The following EFCAB8 variants were observed in gnomAD, a reference collection of about 807,000 sequenced individuals.
EFCAB8 encodes the protein EF-hand calcium-binding domain-containing protein 8.
A neutral mutation model predicts 116.3 loss-of-function variants in EFCAB8; 100 were observed. The ratio of observed to expected loss-of-function variants is 0.86; its 90% CI spans 0.73 to 1.02. The LOEUF is 1.02. Among genes scored for constraint, EFCAB8 ranks in the 50% least tolerant of loss-of-function variants. The pLI is 0.00. For missense variants in EFCAB8, 1,320 were observed against 1,416.9 expected (o/e 0.93, Z 1.10); for synonymous variants, 558 against 567.9 (o/e 0.98, Z 0.25).
At chr20:32,877,004 A>C (rs916169985) in intron 4 of EFCAB8, among the ~76,000 whole-genome samples, 10 of 151,856 alleles carry the variant, frequency 6.6e-5, no homozygotes, top group Non-Finnish European at 1.5e-4. Context: ...ACTTACCTCC[A>C]TTTGACAGAT....
In EFCAB8 at chr20:32,892,238, A is replaced by G. The variant is rs1568913302; in HGVS notation, c.699A>G (p.Lys233=). The change falls in exon 8 of 27, where the codon AAA becomes AAG. Residue 233 remains lysine, a synonymous_variant. Transcript: ENST00000400522. Reference sequence around the variant, plus strand: ...ATTTCTTTGATATTAGTGACCACAAATGTGTCCGGGCCTTCACCTTTGTTG... The same window carrying G: ...ATTTCTTTGATATTAGTGACCACAAGTGTGTCCGGGCCTTCACCTTTGTTG... The part of the protein sequence containing the change: ...KIDFFDISDH[K]CVRAFTFVDL... 1.3e-6 allele frequency: 2 copies of G among 1,551,616 alleles called. No individual in the cohort carries two copies. Among genetic ancestry groups the G allele is most frequent in the Admixed American group, 2.0e-5 (1 of 50,998 alleles).
intron 9 of EFCAB8, 122 bp from the exon 10 acceptor site, chr20:32,896,332 G>A (rs553688563): frequency 1.4e-4 from 91 of 643,930 alleles, no homozygotes; most frequent in African/African-American, 1.3e-3. Flanking sequence ...TGAGGGTTTG[G>A]GTGGAAAAGC....
intron 11 of EFCAB8, among the ~76,000 whole-genome samples, chr20:32,901,033 G>A (rs573824961): frequency 7.2e-5 from 11 of 152,342 alleles, no homozygotes; most frequent in Admixed American, 2.0e-4. Flanking sequence ...ACAGTGCACT[G>A]TGTACATTTC....
intron 5 of EFCAB8, among the ~76,000 whole-genome samples, chr20:32,880,179 G>A (rs1184397638): frequency 6.6e-6 from 1 of 152,154 alleles, no homozygotes. Context: ...ACCAGGCCAC[G>A]GGGAAGTCAA....
At chr20:32,948,570 A>AAGAAAGAGAG (rs1555871353) in intron 23 of EFCAB8, among the ~76,000 whole-genome samples, 1 of 149,668 alleles carries the variant, frequency 6.7e-6, no homozygotes, top group African/African-American at 2.5e-5. Context: ...GAAAGAAAGA[A>AAGAAAGAGAG]AGAAAGAAAG....
chr20:32,859,386 T>C (rs556017246), intron 1 of EFCAB8, among the ~76,000 whole-genome samples: 8 of 152,290 alleles, frequency 5.3e-5, no homozygotes, highest in African/African-American at 1.9e-4. Context: ...CATCTCAGCC[T>C]TCCCTTCCTT....
chr20:32,952,620 T>C (rs891725525), intron 23 of EFCAB8, among the ~76,000 whole-genome samples: 1 of 152,356 alleles, frequency 6.6e-6, no homozygotes, highest in South Asian at 2.1e-4. Context: ...ATTTGGTTGC[T>C]TGTCTTTGTA....
chr20:32,912,887 G>A (rs1274575695), intron 17 of EFCAB8, 23 bp downstream of exon 17: 1 of 717,024 alleles, frequency 1.4e-6, no homozygotes, highest in Admixed American at 2.0e-5. Context: ...CATGTATGGT[G>A]AGTAGGTTCC....
At chr20:32,928,033 CTT>C (rs1379964644) in intron 20 of EFCAB8, among the ~76,000 whole-genome samples, 3 of 152,078 alleles carry the variant, frequency 2.0e-5, no homozygotes, top group Non-Finnish European at 4.4e-5. Flanking sequence ...TACTTTCTGT[CTT>C]TATGATTTTG....
At position 32,961,729 on chromosome 20, in the gene EFCAB8, C is replaced by G; in HGVS notation, c.*120C>G. 3.8e-6 allele frequency: 2 copies of G among 526,640 alleles called. No individual in the cohort carries two copies. The highest frequency in any genetic ancestry group is 5.9e-6 in the Non-Finnish European group (2 of 336,760). The allele number at this position is 526,640 out of a possible 1,614,324, so 32.6% of individuals were successfully genotyped here. A position where few individuals can be genotyped will look rare whatever the true frequency, so the allele number is the denominator to read the frequency against. On this transcript the variant is annotated 3_prime_UTR_variant, in exon 27 of 27. Coordinates refer to ENST00000400522, the MANE Select transcript of EFCAB8 (RefSeq NM_001143967.2). ...TGTGGCTCTTCCCCCGGCCACCCCA[C>G]TGGGCCTCTCTGGGGAAGTTCACCT...
intron 12 of EFCAB8, 59 bp from the exon 13 acceptor site, chr20:32,906,784 C>T (rs2146236878): frequency 1.2e-6 from 1 of 857,756 alleles, no homozygotes; most frequent in Non-Finnish European, 1.9e-6. Context: ...CCACCTTCAC[C>T]AGTGGGTGAA....
chr20:32,906,616 C>T lies in EFCAB8; in HGVS notation c.1143C>T (p.Asp381=), dbSNP rs1425704125. Residue 381 remains aspartate (D), a synonymous_variant, in exon 12 of 27, where the codon GAC becomes GAT. Transcript: ENST00000400522. Reference sequence around the variant, plus strand: ...TTCTTTGCTTTGATTACTGCCCAGACAGGAACTTCCTGGGTAAGTCACCTT... The same window carrying T: ...TTCTTTGCTTTGATTACTGCCCAGATAGGAACTTCCTGGGTAAGTCACCTT... ...KGILCFDYCP[D]RNFLVTGGYD... The T allele has an allele frequency of 1.4e-6, 1 of 718,440 alleles. No individual in the cohort carries two copies. The highest frequency in any genetic ancestry group is 2.0e-5 in the Admixed American group (1 of 50,024). The allele number at this position is 718,440 out of a possible 1,614,324, so 44.5% of individuals were successfully genotyped here. A position where few individuals can be genotyped will look rare whatever the true frequency, so the allele number is the denominator to read the frequency against.
Position 32,862,880 on chromosome 20 carries a change from G to A in EFCAB8, c.-10-903G>A, listed in dbSNP as rs528112437. Among the ~76,000 whole-genome samples, 17 of 152,192 alleles carry A rather than the reference G, an allele frequency of 1.1e-4. No individual in the cohort carries two copies. The South Asian group carries it at 2.3e-3, about 20-fold the overall frequency. On this transcript the variant is annotated intron_variant, in intron 1 of 26. Coordinates refer to ENST00000400522, the MANE Select transcript of EFCAB8 (RefSeq NM_001143967.2). ...ACTGTTGACCTCAGGCAATCCTTCC[G>A]CCTTGGCCTCCCAAAGTGCTGGGAT...
intron 18 of EFCAB8, among the ~76,000 whole-genome samples, 184 bp from the exon 19 acceptor site, chr20:32,918,178 G>GCAT (rs1195418017): frequency 6.6e-6 from 1 of 152,252 alleles, no homozygotes; most frequent in African/African-American, 2.4e-5. Flanking sequence ...GGTACTCAGG[G>GCAT]CATTGCAGCT....
At chr20:32,866,415 C>G (rs1984403264) in intron 2 of EFCAB8, among the ~76,000 whole-genome samples, 1 of 152,090 alleles carries the variant, frequency 6.6e-6, no homozygotes, top group African/African-American at 2.4e-5. Flanking sequence ...GGGAAGGCAG[C>G]CTTTGATGGC....
chr20:32,941,959 A>G (rs1988423131), intron 22 of EFCAB8, among the ~76,000 whole-genome samples: 1 of 152,202 alleles, frequency 6.6e-6, no homozygotes, highest in Non-Finnish European at 1.5e-5. Flanking sequence ...GTTTATTTGT[A>G]CATCTAGTAA....
At chr20:32,898,052 A>G (rs11697249) in intron 10 of EFCAB8, among the ~76,000 whole-genome samples, 5,064 of 152,214 alleles carry the variant, frequency 0.033, 126 homozygotes, top group Non-Finnish European at 0.051. Flanking sequence ...GCACATTCTC[A>G]TGCCCTCCGC....
intron 11 of EFCAB8, chr20:32,903,447 C>T (rs1199454385): frequency 6.6e-6 from 1 of 152,256 alleles, no homozygotes; most frequent in South Asian, 2.1e-4. Context: ...TGTTGTTTCC[C>T]TCTAGAAGGA....
chr20:32,914,591 A>C lies in EFCAB8; in HGVS notation c.1856+1727A>C, dbSNP rs78178170. Reference sequence around the variant, plus strand: ...AGGGGGCCTCAGGAAACTTACAATCATAGTTAAAGGTGAAGGGGAAGCAAG... The same window carrying C: ...AGGGGGCCTCAGGAAACTTACAATCCTAGTTAAAGGTGAAGGGGAAGCAAG... On this transcript the variant is annotated intron_variant, in intron 17 of 26. Coordinates refer to ENST00000400522, the MANE Select transcript of EFCAB8 (RefSeq NM_001143967.2). 5.7e-3 allele frequency among the ~76,000 whole-genome samples: 863 copies of C among 152,322 alleles called. 7 individuals are homozygous for C. Among genetic ancestry groups the C allele is most frequent in the African/African-American group, 0.02 (822 of 41,566 alleles).
Sources: gnomAD v4.1 joint callset for allele counts (sites outside exome capture counted in the v4.1 genomes callset) on GRCh38, gnomAD v4.1.1 for gene constraint, MANE v1.5 for transcripts, NCBI Gene and HGNC (gene_info 2026-07-23, HGNC 2026-07-21) for gene names.